Variants in MTMR14 observed in about 807,000 individuals in gnomAD.
MTMR14 encodes myotubularin related protein 14.
MTMR14 carries 48 observed loss-of-function variants against 86.3 expected under a neutral mutation model. The observed-to-expected ratio is 0.56, with a 90% CI of 0.44 to 0.71. MTMR14 has a LOEUF of 0.71. MTMR14 is among the 30% of genes least tolerant of loss of function. MTMR14 has a pLI of 0.00. For synonymous variants in MTMR14, 366 were observed against 326.1 expected (o/e 1.12, Z -1.32); for missense variants, 780 against 834.6 (o/e 0.93, Z 0.81).
chr3:9,653,090 TAGTC>T (rs770973285), intron 1 of MTMR14, among the ~76,000 whole-genome samples: 12 of 152,206 alleles, frequency 7.9e-5, no homozygotes, highest in African/African-American at 1.4e-4. Context: ...ATAGAAAAAT[TAGTC>T]AGGCGTGGTT....
chr3:9,662,429 C>G, intron 3 of MTMR14, 54 bp downstream of exon 3: 1 of 1,463,812 alleles, frequency 6.8e-7, no homozygotes, highest in South Asian at 1.1e-5. Flanking sequence ...GGGTAGCTGA[C>G]TTACTGCAAA....
rs112230778 is a variant in MTMR14 at position 9,686,475 on chromosome 3, A to T, written c.1164+1228A>T. Among the ~76,000 whole-genome samples, 314 of 152,034 alleles carry T rather than the reference A, an allele frequency of 2.1e-3. 4 individuals are homozygous for T. The highest frequency in any genetic ancestry group is 7.3e-3 in the African/African-American group (304 of 41,412). On this transcript the variant is annotated intron_variant, in intron 13 of 18. Coordinates refer to ENST00000296003, the MANE Select transcript of MTMR14 (RefSeq NM_001077525.3). ...CCTCAGCTGCAGGTTCATCTTCAGG[A>T]CCTTTCTGTTACCCCCCCCAGACAA...
intron 18 of MTMR14, chr3:9,699,327 G>C (rs868013440): frequency 6.6e-6 from 1 of 152,154 alleles, no homozygotes; most frequent in Non-Finnish European, 1.5e-5. Context: ...TCCAGCCCCA[G>C]ATCACCCACC....
At position 9,677,656 on chromosome 3, in the gene MTMR14, ACT is replaced by A. The variant is rs1395042413; in HGVS notation, c.822+274_822+275del. ...GATAGGAAAAGCCCTTCCCTTCTGT[ACT>A]CTCTGTGTGAAAGCTGGGGGCAGCA... On this transcript the variant is annotated intron_variant, in intron 8 of 18. Coordinates refer to ENST00000296003, the MANE Select transcript of MTMR14 (RefSeq NM_001077525.3). This position sits in a 1 kb window ranked among gnomAD's most constrained non-coding sequence, Gnocchi z 4.2. Among the ~76,000 whole-genome samples, 1 of 151,672 alleles carries A rather than the reference ACT, an allele frequency of 6.6e-6. No individual in the cohort carries two copies. The highest frequency in any genetic ancestry group is 2.4e-5 in the African/African-American group (1 of 41,242).
At chr3:9,673,745 C>T (rs184188926) in intron 7 of MTMR14, among the ~76,000 whole-genome samples, 11 of 152,092 alleles carry the variant, frequency 7.2e-5, no homozygotes, top group African/African-American at 2.7e-4. Flanking sequence ...TCCTATAACC[C>T]TTCTGAGCAT....
chr3:9,677,489 G>A lies in MTMR14; in HGVS notation c.822+102G>A, dbSNP rs2075622208. The stretch of plus-strand genomic sequence containing the variant: ...TTGGGGAAAACAACAAGCAGTCTTT[G>A]GGGAAAATAACTCCCCTTTCCTCCC... On this transcript the variant is annotated intron_variant, in intron 8 of 18. Coordinates refer to ENST00000296003, the MANE Select transcript of MTMR14 (RefSeq NM_001077525.3). This position sits in a 1 kb window ranked among gnomAD's most constrained non-coding sequence, Gnocchi z 4.2. 5.8e-6 allele frequency: 6 copies of A among 1,030,174 alleles called. No individual in the cohort carries two copies. Among genetic ancestry groups the A allele is most frequent in the Non-Finnish European group, 7.6e-6 (5 of 655,328 alleles). The allele number at this position is 1,030,174 out of a possible 1,614,324, so 63.8% of individuals were successfully genotyped here.
intron 2 of MTMR14, 34 bp from the exon 3 acceptor site, chr3:9,662,233 T>G: frequency 6.3e-7 from 1 of 1,585,594 alleles, no homozygotes; most frequent in Non-Finnish European, 8.7e-7. Flanking sequence ...CACTTCAAAG[T>G]CAGCTTGACC....
In MTMR14 at chr3:9,684,924, A is replaced by G. The variant is rs761155606; in HGVS notation, c.1087A>G (p.Ile363Val). ...CCACACGTCCCTGAAGCCCACTGAG[A>G]TCCTCTACCTCACTGTGGCCTATGA... ...LIHTSLKPTEILYLTVAYDWF... is the reference protein window; with the variant it reads ...LIHTSLKPTEVLYLTVAYDWF... Residue 363 changes from isoleucine (I) to valine (V), a missense_variant, in exon 12 of 19, where the codon ATC (isoleucine) becomes GTC (valine). Coordinates refer to ENST00000296003, the MANE Select transcript of MTMR14 (RefSeq NM_001077525.3). 16 of 1,614,012 alleles carry G rather than the reference A, an allele frequency of 9.9e-6. No individual in the cohort carries two copies. The South Asian group carries it at 1.4e-4, about 14-fold the overall frequency.
intron 1 of MTMR14, among the ~76,000 whole-genome samples, chr3:9,650,020 A>G (rs1173129694): frequency 1.3e-5 from 2 of 152,148 alleles, no homozygotes; most frequent in East Asian, 3.9e-4. Context: ...GGCCAGGTTC[A>G]AAGATCAGAG....
chr3:9,662,192 T>C, intron 2 of MTMR14, 75 bp from the exon 3 acceptor site: 1 of 1,044,078 alleles, frequency 9.6e-7, no homozygotes, highest in Non-Finnish European at 1.5e-6. Context: ...TATGGGGGTC[T>C]GTGTGAATAA....
At chr3:9,689,816 C>A in intron 16 of MTMR14, 148 bp from the exon 17 acceptor site, 2 of 747,438 alleles carry the variant, frequency 2.7e-6, no homozygotes, top group Non-Finnish European at 4.4e-6. Context: ...CTGCCCATGG[C>A]CCTGAGCTGG....
chr3:9,654,275 C>T (rs1214853140), intron 2 of MTMR14, among the ~76,000 whole-genome samples: 2 of 152,126 alleles, frequency 1.3e-5, no homozygotes, highest in Admixed American at 6.5e-5. Context: ...AATTCTCTAC[C>T]TCATGTTAAT....
intron 6 of MTMR14, among the ~76,000 whole-genome samples, chr3:9,671,720 C>T (rs1216238377): frequency 2.0e-5 from 3 of 152,184 alleles, no homozygotes; most frequent in Admixed American, 2.0e-4. Flanking sequence ...TGACTGCTGT[C>T]ATATAAAAAT....
rs747346786 is a variant in MTMR14, at chr3:9,685,175, G to A, written c.1128-36G>A. ...GTCCTCTTGGCCTTGTCATCTTGGT[G>A]CTGCTGACTTTGCCTCTCTACCCTC... On this transcript the variant is annotated intron_variant, in intron 12 of 18. Coordinates refer to ENST00000296003, the MANE Select transcript of MTMR14 (RefSeq NM_001077525.3). The A allele has an allele frequency of 7.4e-6, 12 of 1,614,016 alleles. No homozygotes were observed. The Admixed American group carries it at 1.3e-4, about 18-fold the overall frequency.
chr3:9,685,569 T>G (rs963990040), intron 13 of MTMR14, among the ~76,000 whole-genome samples: 1 of 152,160 alleles, frequency 6.6e-6, no homozygotes, highest in African/African-American at 2.4e-5. Flanking sequence ...AACCCCATCC[T>G]CTAAGGCCTT....
Position 9,687,925 on chromosome 3 carries a change from A to G in MTMR14, c.1235+34A>G, listed in dbSNP as rs778268302. 14 of 1,553,880 alleles carry G rather than the reference A, an allele frequency of 9.0e-6. No homozygotes were observed. The African/African-American group carries it at 1.8e-4, about 20-fold the overall frequency. ...AGGCCTGCACGTGTCATGCTGGGCC[A>G]GGGCGCTCTGAGAAGGGCTGCTCCC... On this transcript the variant is annotated intron_variant, in intron 14 of 18. Transcript: ENST00000296003.
In MTMR14 at chr3:9,701,477, G is replaced by T. The variant is rs929464801; in HGVS notation, c.1770-313G>T. The stretch of plus-strand genomic sequence containing the variant: ...CTTGAGGCTACAGTGAGCGCTGATT[G>T]TGTCACTGCATTCCAGCCTGGGCAA... On this transcript the variant is annotated intron_variant, in intron 18 of 18. Coordinates refer to ENST00000296003, the MANE Select transcript of MTMR14 (RefSeq NM_001077525.3). The surrounding 1 kb of genome is among the most constrained non-coding windows in gnomAD (Gnocchi z 4.2). The T allele has an allele frequency of 7.6e-6, 3 of 392,608 alleles. No individual in the cohort carries two copies. Among genetic ancestry groups the T allele is most frequent in the Non-Finnish European group, 1.4e-5 (3 of 211,334 alleles). 24.3% of individuals were successfully genotyped at this position (392,608 alleles called of 1,614,324 possible).
chr3:9,680,761 C>T (rs1038413126), intron 9 of MTMR14, among the ~76,000 whole-genome samples: 9 of 152,314 alleles, frequency 5.9e-5, no homozygotes, highest in South Asian at 2.1e-4. Flanking sequence ...GGCGTGAACC[C>T]GGGAGGCGGA....
At chr3:9,684,390 G>A (rs2075866934) in intron 10 of MTMR14, among the ~76,000 whole-genome samples, 195 bp from the exon 11 acceptor site, 1 of 152,148 alleles carries the variant, frequency 6.6e-6, no homozygotes, top group Non-Finnish European at 1.5e-5. Flanking sequence ...AGGAAGAAAG[G>A]AAGCTACAAA....
Sources: gnomAD v4.1 joint callset for allele counts (sites outside exome capture counted in the v4.1 genomes callset) on GRCh38, gnomAD v4.1.1 for gene constraint, Gnocchi (gnomAD v3.1) non-coding constraint, MANE v1.5 for transcripts, NCBI Gene and HGNC (gene_info 2026-07-23, HGNC 2026-07-21) for gene names.